NIBAN1: variants seen among roughly 807,000 people sequenced by gnomAD.
NIBAN1 encodes the protein protein Niban 1.
In NIBAN1, 81 loss-of-function variants were observed where a neutral mutation model predicts 75.1. That is an observed-to-expected ratio of 1.08 (90% CI 0.90 to 1.30). NIBAN1 has a LOEUF of 1.30. Ranked by LOEUF, NIBAN1 falls within the 50% of genes most tolerant of loss-of-function variation. The pLI, the probability that NIBAN1 is intolerant of heterozygous loss-of-function variation, is 0.00. For synonymous variants in NIBAN1, 436 were observed against 424.8 expected, an observed-to-expected ratio of 1.03 and a Z score of -0.32; for missense variants, 1,133 against 1,128.1, an observed-to-expected ratio of 1.00 and a Z score of -0.06.
chr1:184,896,591 G>T (rs1656806811), intron 2 of NIBAN1, among the ~76,000 whole-genome samples: 1 of 151,916 alleles, frequency 6.6e-6, no homozygotes, highest in Non-Finnish European at 1.5e-5. Context: ...ATTTGTTTTT[G>T]GGGTCTTCAT....
intron 5 of NIBAN1, among the ~76,000 whole-genome samples, chr1:184,858,689 G>A (rs930556050): frequency 6.6e-6 from 1 of 152,056 alleles, no homozygotes; most frequent in South Asian, 2.1e-4. Context: ...CTCTCTTCAC[G>A]GGCACTGCCT....
In NIBAN1 at chr1:184,796,020, T is replaced by C; in HGVS notation, c.1744A>G (p.Ser582Gly). Residue 582 changes from serine to glycine, a missense_variant, in exon 14 of 14, where the codon AGC becomes GGC. Transcript: ENST00000367511. Reference sequence around the variant, plus strand: ...GTGGGGGGCTTTAGATCTGTTAAGCTGGACACACTTTCACTGGGCAAGGCC... The same window carrying C: ...GTGGGGGGCTTTAGATCTGTTAAGCCGGACACACTTTCACTGGGCAAGGCC... The part of the protein sequence containing the change: ...NMALPSESVS[S>G]LTDLKPPTGS... 6.2e-7 allele frequency: 1 copy of C among 1,611,122 alleles called. No homozygotes were observed. The highest frequency in any genetic ancestry group is 8.5e-7 in the Non-Finnish European group (1 of 1,179,622).
chr1:184,807,516 G>A (rs539362), intron 10 of NIBAN1, among the ~76,000 whole-genome samples: 24,677 of 152,054 alleles, frequency 0.16, 2,599 homozygotes, highest in East Asian at 0.36. Flanking sequence ...GGCTGGGTGT[G>A]GTGGCTTATG....
At chr1:184,870,491 C>T (rs1656077155) in intron 5 of NIBAN1, among the ~76,000 whole-genome samples, 1 of 152,120 alleles carries the variant, frequency 6.6e-6, no homozygotes, top group Admixed American at 6.6e-5. Flanking sequence ...CGAAAAAGTT[C>T]TGAACGTCAG....
intron 5 of NIBAN1, among the ~76,000 whole-genome samples, chr1:184,843,955 G>A (rs1655366954): frequency 6.6e-6 from 1 of 152,184 alleles, no homozygotes; most frequent in South Asian, 2.1e-4. Flanking sequence ...GCATCTGTGT[G>A]GCTTACTCTC....
chr1:184,824,917 C>T (rs1275270007), intron 6 of NIBAN1, among the ~76,000 whole-genome samples: 2 of 152,182 alleles, frequency 1.3e-5, no homozygotes, highest in African/African-American at 4.8e-5. Flanking sequence ...ACACACATAG[C>T]TACCTTGGCA....
Position 184,972,242 on chromosome 1 carries a change from A to G in NIBAN1, c.55+2060T>C, listed in dbSNP as rs1000361961. Among the ~76,000 whole-genome samples, 5 of 152,226 alleles carry G rather than the reference A, an allele frequency of 3.3e-5. No homozygotes were observed. In the East Asian group the frequency reaches 9.6e-4, roughly 29 times the overall value. ...TATGAGAAACAGGTCATAAAAGTATATTTAAACTTTACTGTCATACTTCCA... is the reference window on the plus strand; with the variant it reads ...TATGAGAAACAGGTCATAAAAGTATGTTTAAACTTTACTGTCATACTTCCA... On this transcript the variant is annotated intron_variant, in intron 1 of 13. Transcript: ENST00000367511.
intron 9 of NIBAN1, among the ~76,000 whole-genome samples, chr1:184,809,620 T>C (rs7549492): frequency 0.071 from 10,660 of 150,122 alleles, 997 homozygotes; most frequent in African/African-American, 0.22. Context: ...TATATATATA[T>C]ACACATATAT....
chr1:184,814,773 C>T (rs611814), intron 9 of NIBAN1, among the ~76,000 whole-genome samples: 6,158 of 152,228 alleles, frequency 0.04, 240 homozygotes, highest in East Asian at 0.11. Context: ...TGAATGAACT[C>T]CATGGTCTAA....
chr1:184,942,055 C>T (rs889878754), intron 1 of NIBAN1, among the ~76,000 whole-genome samples: 6 of 152,018 alleles, frequency 3.9e-5, no homozygotes, highest in Non-Finnish European at 8.8e-5. Flanking sequence ...ATAATTGTGC[C>T]TACAGTTTTT....
Position 184,829,461 on chromosome 1 carries a change from A to ACTCTTTTT in NIBAN1, c.717+2385_717+2386insAAAAAGAG, listed in dbSNP as rs1389813381. 7.1e-5 allele frequency among the ~76,000 whole-genome samples: 6 copies of ACTCTTTTT among 84,022 alleles called. 1 individual carries two copies. The highest frequency in any genetic ancestry group is 7.4e-5 in the African/African-American group (2 of 27,128). 55.1% of individuals were successfully genotyped at this position (84,022 alleles called of 152,430 possible). ...CAGAAAGGATTTATTAAATACATAT[A>ACTCTTTTT]TTCTTTTTTTTTTTTTTTTTTTTGA... On this transcript the variant is annotated intron_variant, in intron 6 of 13. Transcript: ENST00000367511.
At chr1:184,831,694 C>T (rs1655004105) in intron 6 of NIBAN1, among the ~76,000 whole-genome samples, 153 bp downstream of exon 6, 2 of 152,302 alleles carry the variant, frequency 1.3e-5, no homozygotes, top group South Asian at 4.1e-4. Context: ...AGTTTCCTGA[C>T]CAATGCTTGC....
chr1:184,822,580 C>T (rs1654732235), intron 8 of NIBAN1, among the ~76,000 whole-genome samples: 1 of 152,152 alleles, frequency 6.6e-6, no homozygotes, highest in South Asian at 2.1e-4. Context: ...GAGGAGGACA[C>T]TGAGCTAAAC....
chr1:184,953,571 G>T (rs756927890), intron 1 of NIBAN1, among the ~76,000 whole-genome samples: 3 of 152,176 alleles, frequency 2.0e-5, no homozygotes, highest in Non-Finnish European at 4.4e-5. Context: ...TGCTGAGTTT[G>T]GTTATCAGCA....
At chr1:184,906,464 C>T (rs1378154084) in intron 1 of NIBAN1, among the ~76,000 whole-genome samples, 1 of 151,730 alleles carries the variant, frequency 6.6e-6, no homozygotes, top group African/African-American at 2.4e-5. Flanking sequence ...AACCCCGTCC[C>T]TACTAAAAAT....
intron 2 of NIBAN1, 22 bp from the exon 3 acceptor site, chr1:184,894,228 T>C: frequency 6.3e-7 from 1 of 1,582,640 alleles, no homozygotes. Context: ...TGAATACAAT[T>C]AACTATCACA....
intron 2 of NIBAN1, among the ~76,000 whole-genome samples, chr1:184,898,105 G>A (rs114149815): frequency 1.2e-3 from 186 of 152,202 alleles, no homozygotes; most frequent in African/African-American, 3.8e-3. Flanking sequence ...ATGTGCTCCC[G>A]ATCTGTCTCT....
chr1:184,935,790 GTT>G (rs11436535), intron 1 of NIBAN1, among the ~76,000 whole-genome samples: 1 of 143,238 alleles, frequency 7.0e-6, no homozygotes, highest in African/African-American at 2.6e-5. Context: ...AAGAGTTAGG[GTT>G]TTTTTTTTTT....
chr1:184,844,460 C>A (rs1240667787), intron 5 of NIBAN1, among the ~76,000 whole-genome samples: 2 of 152,154 alleles, frequency 1.3e-5, no homozygotes, highest in African/African-American at 4.8e-5. Flanking sequence ...TTACAATTTA[C>A]AACATTTCAT....
Sources: gnomAD v4.1 joint callset for allele counts (sites outside exome capture counted in the v4.1 genomes callset) on GRCh38, gnomAD v4.1.1 for gene constraint, MANE v1.5 for transcripts, NCBI Gene and HGNC (gene_info 2026-07-23, HGNC 2026-07-21) for gene names.